XPO4: variants seen among roughly 807,000 people sequenced by gnomAD.
XPO4 encodes exportin-4.
XPO4 carries 39 observed loss-of-function variants against 143.0 expected under a neutral mutation model. The observed-to-expected ratio is 0.27, with a 90% confidence interval of 0.21 to 0.36. XPO4 has a LOEUF of 0.36. XPO4 is among the 10% of genes least tolerant of loss of function. The pLI is 1.00. For missense variants in XPO4, 907 were observed against 1,348.0 expected, an observed-to-expected ratio of 0.67 and a Z score of 5.12; for synonymous variants, 439 against 474.0, an observed-to-expected ratio of 0.93 and a Z score of 0.96.
At chr13:20,824,374 C>T (rs533969993) in intron 7 of XPO4, among the ~76,000 whole-genome samples, 1 of 152,194 alleles carries the variant, frequency 6.6e-6, no homozygotes, top group East Asian at 1.9e-4. Context: ...AGAATGTAAT[C>T]TGGGACAATA....
At chr13:20,850,767 A>G (rs775229986) in intron 4 of XPO4, 184 of 983,522 alleles carry the variant, frequency 1.9e-4, no homozygotes, top group Non-Finnish European at 2.1e-4. Flanking sequence ...CCTGTTTCTA[A>G]AACAACAAAA....
At chr13:20,895,092 T>C (rs2060555475) in intron 1 of XPO4, among the ~76,000 whole-genome samples, 1 of 150,122 alleles carries the variant, frequency 6.7e-6, no homozygotes, top group Non-Finnish European at 1.5e-5. Context: ...GCAGGATAAT[T>C]GCTTGAACCC....
chr13:20,799,032 AAAAAG>A, intron 16 of XPO4, 128 bp downstream of exon 16: 15 of 993,858 alleles, frequency 1.5e-5, no homozygotes, highest in South Asian at 1.1e-4. Context: ...GAAAAAAAAA[AAAAAG>A]AAAGAAAGAA....
rs991872216 is a variant in XPO4 at position 20,796,910 on chromosome 13, C to T, written c.2470G>A (p.Val824Ile). 1.1e-5 allele frequency: 18 copies of T among 1,614,004 alleles called. No individual in the cohort carries two copies. Among genetic ancestry groups the T allele is most frequent in the African/African-American group, 4.0e-5 (3 of 74,920 alleles). The part of the protein sequence containing the change: ...GIAEATQIDN[V>I]AILFNFLMDF... ...ATTAAAAAATTAAACAGGATTGCTA[C>T]GTTGTCAATCTGGGTAGCCTCAGCA... is the stretch of plus-strand genomic sequence containing the variant. Residue 824 changes from valine to isoleucine, a missense_variant, in exon 17 of 23, where the codon GTA becomes ATA. Coordinates refer to ENST00000255305, the MANE Select transcript of XPO4 (RefSeq NM_022459.5).
intron 20 of XPO4, 50 bp downstream of exon 20, chr13:20,788,436 G>GA (rs1722464676): frequency 6.4e-7 from 1 of 1,565,636 alleles, no homozygotes; most frequent in African/African-American, 1.4e-5. Flanking sequence ...TTTAAAGGAA[G>GA]ATCTTTTTCC....
intron 1 of XPO4, among the ~76,000 whole-genome samples, chr13:20,871,100 G>A (rs1484088015): frequency 6.6e-6 from 1 of 152,140 alleles, no homozygotes; most frequent in Non-Finnish European, 1.5e-5. Flanking sequence ...AAGCCATCGT[G>A]CCCGGCCAAT....
rs1270521231 is a variant in XPO4, at chr13:20,848,485, T to C, written c.457-4599A>G. The C allele has an allele frequency of 9.1e-6, 9 of 985,310 alleles. No individual in the cohort carries two copies. The African/African-American group carries it at 1.0e-4, about 11-fold the overall frequency. The allele number at this position is 985,310 out of a possible 1,614,324, so 61.0% of individuals were successfully genotyped here. A position where few individuals can be genotyped will look rare whatever the true frequency, so the allele number is the denominator to read the frequency against. On this transcript the variant is annotated intron_variant, in intron 4 of 22. Transcript: ENST00000255305. ...AATTGCATAATGCTTAAAAATACCATGTAATTACACCAGGTTACAAGAAGG... is the reference window on the plus strand; with the variant it reads ...AATTGCATAATGCTTAAAAATACCACGTAATTACACCAGGTTACAAGAAGG...
At chr13:20,871,310 G>A (rs577193574) in intron 1 of XPO4, among the ~76,000 whole-genome samples, 24 of 151,874 alleles carry the variant, frequency 1.6e-4, no homozygotes, top group East Asian at 1.5e-3. Flanking sequence ...ATGAGCCACC[G>A]TGCCCAGTCT....
intron 6 of XPO4, among the ~76,000 whole-genome samples, chr13:20,840,089 T>C (rs1353100078): frequency 6.6e-6 from 1 of 152,094 alleles, no homozygotes; most frequent in Non-Finnish European, 1.5e-5. Flanking sequence ...TTACTGATAA[T>C]TTAACACAGC....
chr13:20,850,712 T>G lies in XPO4; in HGVS notation c.456+4915A>C, dbSNP rs954155126. 29 of 790,186 alleles carry G rather than the reference T, an allele frequency of 3.7e-5. No individual in the cohort carries two copies. In the Admixed American group the frequency reaches 1.0e-3, roughly 27 times the overall value. 48.9% of individuals were successfully genotyped at this position (790,186 alleles called of 1,614,324 possible). A position where few individuals can be genotyped will look rare whatever the true frequency, so the allele number is the denominator to read the frequency against. Reference sequence around the variant, plus strand: ...CCCAGGTGATCGAGGCAGCAGTGAGTTATGAACATGTCACTGCACTTCAGC... The same window carrying G: ...CCCAGGTGATCGAGGCAGCAGTGAGGTATGAACATGTCACTGCACTTCAGC... On this transcript the variant is annotated intron_variant, in intron 4 of 22. Transcript: ENST00000255305.
At chr13:20,852,413 T>C in intron 4 of XPO4, 1 of 985,440 alleles carries the variant, frequency 1.0e-6, no homozygotes, top group Non-Finnish European at 1.2e-6. Context: ...TATCCACCAC[T>C]TCTTTTTCCC....
chr13:20,799,369 G>A (rs1281673598), intron 15 of XPO4, 30 bp from the exon 16 acceptor site: 8 of 1,582,240 alleles, frequency 5.1e-6, no homozygotes, highest in South Asian at 1.1e-5. Flanking sequence ...AACATAAGAT[G>A]TATTACTATG....
intron 6 of XPO4, among the ~76,000 whole-genome samples, chr13:20,827,871 A>T (rs2059803325): frequency 1.3e-5 from 2 of 152,230 alleles, no homozygotes; most frequent in South Asian, 4.1e-4. Context: ...TAAACAAAGT[A>T]ACCATCATAT....
Position 20,793,955 on chromosome 13 carries a change from G to C in XPO4, c.2797+2121C>G, listed in dbSNP as rs2059320631. Among the ~76,000 whole-genome samples, 4 of 152,194 alleles carry C rather than the reference G, an allele frequency of 2.6e-5. No homozygotes were observed. In the South Asian group the frequency reaches 8.3e-4, roughly 31 times the overall value. On this transcript the variant is annotated intron_variant, in intron 18 of 22. Transcript: ENST00000255305. The stretch of plus-strand genomic sequence containing the variant: ...ATCTAGAGTCCAGTAAGGAAGCAGA[G>C]AGGCAGTTCTGATTTCCTAAAGGGG...
chr13:20,789,105 AAAGT>A (rs1483773522), intron 19 of XPO4, among the ~76,000 whole-genome samples: 2 of 152,224 alleles, frequency 1.3e-5, no homozygotes, highest in Non-Finnish European at 2.9e-5. Flanking sequence ...AACTGAGGTA[AAAGT>A]AAGTAATCTG....
At chr13:20,896,188 T>C (rs1235679021) in intron 1 of XPO4, among the ~76,000 whole-genome samples, 1 of 152,228 alleles carries the variant, frequency 6.6e-6, no homozygotes, top group African/African-American at 2.4e-5. Context: ...GAATACATTG[T>C]AATAGTTGCT....
intron 1 of XPO4, chr13:20,902,425 T>G: frequency 1.0e-6 from 1 of 985,346 alleles, no homozygotes; most frequent in Non-Finnish European, 1.2e-6. Context: ...TACACCACTA[T>G]ATTCCCACGC....
At chr13:20,885,411 GA>G (rs1241252034) in intron 1 of XPO4, among the ~76,000 whole-genome samples, 8 of 151,936 alleles carry the variant, frequency 5.3e-5, no homozygotes, top group Non-Finnish European at 1.2e-4. Flanking sequence ...TATGGAATGA[GA>G]AACAAAAGAT....
chr13:20,822,838 G>A (rs1183731562), intron 7 of XPO4, among the ~76,000 whole-genome samples: 1 of 152,154 alleles, frequency 6.6e-6, no homozygotes, highest in Non-Finnish European at 1.5e-5. Flanking sequence ...TTGAATCTCA[G>A]TTTAACCTAC....
Sources: allele counts gnomAD v4.1 joint callset (sites outside exome capture counted in the v4.1 genomes callset), GRCh38; gene constraint gnomAD v4.1.1; transcripts MANE v1.5; gene names NCBI Gene and HGNC (gene_info 2026-07-23, HGNC 2026-07-21).